IQSEC3: variants seen among roughly 807,000 people sequenced by gnomAD.
IQSEC3 encodes IQ motif and Sec7 domain ArfGEF 3, also known as IQ motif and SEC7 domain-containing protein 3.
In IQSEC3, 50 loss-of-function variants were observed where a neutral mutation model predicts 105.4. The observed-to-expected ratio is 0.47, with a 90% confidence interval of 0.38 to 0.60. The LOEUF is 0.60. IQSEC3 is among the 20% of genes least tolerant of loss of function. The pLI is 0.00. For synonymous variants in IQSEC3, 708 were observed against 746.0 expected (o/e 0.95, Z 0.83); for missense variants, 1,415 against 1,630.0 (o/e 0.87, Z 2.27).
At chr12:166,465 T>C (rs185896912) in intron 11 of IQSEC3, 204 of 152,630 alleles carry the variant, frequency 1.3e-3, no homozygotes, top group Admixed American at 7.3e-3. Flanking sequence ...ATTCAGGCAT[T>C]TTAGAGAATA....
chr12:99,441 C>T (rs1187208582), intron 2 of IQSEC3, among the ~76,000 whole-genome samples: 3 of 152,188 alleles, frequency 2.0e-5, no homozygotes, highest in Non-Finnish European at 2.9e-5. Flanking sequence ...GATCACACCC[C>T]ACACGTAGGC....
intron 7 of IQSEC3, among the ~76,000 whole-genome samples, chr12:161,011 C>A (rs1371902340): frequency 2.0e-5 from 3 of 152,146 alleles, no homozygotes; most frequent in African/African-American, 7.2e-5. Context: ...TCACCCGCCG[C>A]CTGATTTCTT....
At chr12:85,001 G>A (rs782514843) in intron 1 of IQSEC3, among the ~76,000 whole-genome samples, 6 of 152,144 alleles carry the variant, frequency 3.9e-5, no homozygotes, top group Non-Finnish European at 4.4e-5. Flanking sequence ...TCGGGAGGTC[G>A]TCAAACCTCC....
intron 1 of IQSEC3, among the ~76,000 whole-genome samples, chr12:74,761 T>C (rs555565082): frequency 1.2e-4 from 18 of 152,386 alleles, no homozygotes; most frequent in Non-Finnish European, 2.4e-4. Context: ...TAACCAGATA[T>C]CAGAGCTAGA....
chr12:149,926 A>G (rs1430962467), intron 5 of IQSEC3, among the ~76,000 whole-genome samples: 2 of 152,220 alleles, frequency 1.3e-5, no homozygotes, highest in African/African-American at 4.8e-5. Flanking sequence ...TGGGTTTCAC[A>G]CTAGGGATGT....
chr12:82,971 G>T (rs537340735), intron 1 of IQSEC3, among the ~76,000 whole-genome samples: 1 of 152,346 alleles, frequency 6.6e-6, no homozygotes, highest in Admixed American at 6.5e-5. Context: ...ACAAATGCTT[G>T]CAGTGAGGCT....
intron 9 of IQSEC3, 63 bp downstream of exon 9, chr12:163,682 T>C: frequency 1.0e-6 from 1 of 960,918 alleles, no homozygotes; most frequent in Non-Finnish European, 1.7e-6. Flanking sequence ...CTGGTCAGCC[T>C]GGGCAGGGTC....
intron 2 of IQSEC3, among the ~76,000 whole-genome samples, chr12:104,177 T>C (rs1864562142): frequency 6.6e-6 from 1 of 152,122 alleles, no homozygotes; most frequent in Non-Finnish European, 1.5e-5. Flanking sequence ...GTTATTCCCA[T>C]TTACAGATAA....
At position 153,414 on chromosome 12, in the gene IQSEC3, C is replaced by T. The variant is rs532253000; in HGVS notation, c.2154-3611C>T. 1.2e-3 allele frequency among the ~76,000 whole-genome samples: 185 copies of T among 152,256 alleles called. 2 individuals are homozygous for T. The highest frequency in any genetic ancestry group is 4.1e-3 in the African/African-American group (169 of 41,544). On this transcript the variant is annotated intron_variant, in intron 5 of 13. Coordinates refer to ENST00000538872, the MANE Select transcript of IQSEC3 (RefSeq NM_001170738.2). ...CGTCTGCAGTGCTTCAGAGATGGCC[C>T]GTGCCTCCGGGTGCCAGTCCTGAGA...
At chr12:129,829 C>T (rs1245578085) in intron 3 of IQSEC3, among the ~76,000 whole-genome samples, 7 of 152,178 alleles carry the variant, frequency 4.6e-5, no homozygotes, top group Non-Finnish European at 7.4e-5. Flanking sequence ...CCCCTCCCCA[C>T]AGATCCCCAT....
At chr12:123,884 C>T (rs1224063361) in intron 2 of IQSEC3, among the ~76,000 whole-genome samples, 1 of 152,156 alleles carries the variant, frequency 6.6e-6, no homozygotes, top group Non-Finnish European at 1.5e-5. Flanking sequence ...TGGGAGGCTG[C>T]ATTAGATGAC....
At chr12:69,932 A>T (rs1355253930) in intron 1 of IQSEC3, among the ~76,000 whole-genome samples, 3 of 152,248 alleles carry the variant, frequency 2.0e-5, no homozygotes, top group African/African-American at 7.2e-5. Context: ...ATGGAGAGGG[A>T]GAGGTGAGGA....
chr12:107,662 G>A (rs797028311), intron 2 of IQSEC3, among the ~76,000 whole-genome samples: 47 of 151,848 alleles, frequency 3.1e-4, no homozygotes, highest in African/African-American at 8.2e-4. Flanking sequence ...CGCCCACCTC[G>A]GCCTCCCAAA....
intron 11 of IQSEC3, chr12:166,908 T>C (rs1555098650): frequency 2.0e-5 from 3 of 152,258 alleles, no homozygotes; most frequent in African/African-American, 7.2e-5. Flanking sequence ...GGCTCGGAGT[T>C]CAGCCGCGTG....
At chr12:93,467 G>A (rs1348310120) in intron 1 of IQSEC3, among the ~76,000 whole-genome samples, 1 of 152,174 alleles carries the variant, frequency 6.6e-6, no homozygotes, top group Non-Finnish European at 1.5e-5. Context: ...CATCTGCTAT[G>A]GTGGCAGTGT....
intron 2 of IQSEC3, among the ~76,000 whole-genome samples, chr12:99,728 G>C (rs10849444): frequency 0.33 from 49,531 of 152,060 alleles, 8,463 homozygotes; most frequent in African/African-American, 0.4. Flanking sequence ...TGGAGCGGGA[G>C]TGTTGAGGAG....
intron 5 of IQSEC3, among the ~76,000 whole-genome samples, chr12:145,817 G>A (rs1308248865): frequency 6.6e-6 from 1 of 152,212 alleles, no homozygotes; most frequent in East Asian, 1.9e-4. Flanking sequence ...AAAGTCCAGC[G>A]GATGGGGAAC....
chr12:83,613 A>G (rs1555071280), intron 1 of IQSEC3, among the ~76,000 whole-genome samples: 3 of 149,804 alleles, frequency 2.0e-5, no homozygotes, highest in African/African-American at 7.4e-5. Flanking sequence ...GGGGAGCAAG[A>G]GAGGGAGGAA....
intron 5 of IQSEC3, among the ~76,000 whole-genome samples, chr12:155,480 T>G (rs1866654575): frequency 6.6e-6 from 1 of 152,120 alleles, no homozygotes; most frequent in African/African-American, 2.4e-5. Context: ...CGGCGCCCCC[T>G]CCCTTTCTAA....
Sources: gnomAD v4.1 joint callset for allele counts (sites outside exome capture counted in the v4.1 genomes callset) on GRCh38, gnomAD v4.1.1 for gene constraint, MANE v1.5 for transcripts, NCBI Gene and HGNC (gene_info 2026-07-23, HGNC 2026-07-21) for gene names.